The following PARD3B variants were observed in gnomAD, a reference collection of about 807,000 sequenced individuals.
PARD3B encodes the protein par-3 family cell polarity regulator beta.
In PARD3B, 103 loss-of-function variants were observed where a neutral mutation model predicts 130.2. The observed-to-expected ratio is 0.79, with a 90% CI of 0.67 to 0.93. The LOEUF is 0.93. Among genes scored for constraint, PARD3B ranks in the 40% least tolerant of loss-of-function variants. PARD3B has a pLI of 0.00. For missense variants in PARD3B, 1,609 were observed against 1,499.2 expected (o/e 1.07, Z -1.21); for synonymous variants, 583 against 553.2 (o/e 1.05, Z -0.76).
At chr2:205,408,247 C>G (rs762281087) in intron 19 of PARD3B, among the ~76,000 whole-genome samples, 35 of 152,090 alleles carry the variant, frequency 2.3e-4, no homozygotes, top group Non-Finnish European at 3.5e-4. Context: ...TGATATTTGG[C>G]AAACCAAGAT....
chr2:205,336,778 A>T (rs1252705669), intron 18 of PARD3B, among the ~76,000 whole-genome samples: 1 of 152,194 alleles, frequency 6.6e-6, no homozygotes, highest in Non-Finnish European at 1.5e-5. Context: ...CATGTGTGCA[A>T]GGACCCTAAA....
chr2:204,644,648 TAAAAG>T (rs955464840), intron 1 of PARD3B, among the ~76,000 whole-genome samples: 6 of 152,104 alleles, frequency 3.9e-5, no homozygotes, highest in African/African-American at 1.4e-4. Context: ...AATTTATTAA[TAAAAG>T]AAAATGTGTG....
chr2:204,803,540 A>G (rs2042651900), intron 2 of PARD3B, among the ~76,000 whole-genome samples: 1 of 152,180 alleles, frequency 6.6e-6, no homozygotes, highest in Non-Finnish European at 1.5e-5. Flanking sequence ...AGCAGGGGAC[A>G]TGGAGTTAAA....
At chr2:204,948,627 CTT>C (rs1689525468) in intron 2 of PARD3B, among the ~76,000 whole-genome samples, 1 of 152,208 alleles carries the variant, frequency 6.6e-6, no homozygotes, top group African/African-American at 2.4e-5. Context: ...CCAGCAGACT[CTT>C]CTCCAGTTCC....
chr2:204,846,357 A>T (rs1327656243), intron 2 of PARD3B, among the ~76,000 whole-genome samples: 1 of 152,040 alleles, frequency 6.6e-6, no homozygotes, highest in Non-Finnish European at 1.5e-5. Context: ...TTAGAACTAA[A>T]AACAATGTGT....
chr2:204,779,135 T>TC (rs1206350899), intron 2 of PARD3B, among the ~76,000 whole-genome samples: 1 of 152,124 alleles, frequency 6.6e-6, no homozygotes, highest in Non-Finnish European at 1.5e-5. Flanking sequence ...CAACTTCTCC[T>TC]CCCCCTCAGG....
At chr2:204,833,458 T>C (rs1282725629) in intron 2 of PARD3B, among the ~76,000 whole-genome samples, 2 of 152,114 alleles carry the variant, frequency 1.3e-5, no homozygotes, top group East Asian at 2.0e-4. Flanking sequence ...CCCCTTCTGA[T>C]TGAAACCCTT....
At chr2:204,630,081 A>C (rs1252487992) in intron 1 of PARD3B, among the ~76,000 whole-genome samples, 1 of 152,148 alleles carries the variant, frequency 6.6e-6, no homozygotes, top group Non-Finnish European at 1.5e-5. Context: ...ACAAGATCTT[A>C]AATTCTTGAG....
chr2:204,796,399 C>G (rs2042377445), intron 2 of PARD3B, among the ~76,000 whole-genome samples: 1 of 152,192 alleles, frequency 6.6e-6, no homozygotes. Flanking sequence ...ATGCCACAGT[C>G]AGAAAGCTCG....
intron 1 of PARD3B, among the ~76,000 whole-genome samples, chr2:204,655,759 A>G (rs28538804): frequency 0.024 from 3,579 of 152,128 alleles, 136 homozygotes; most frequent in African/African-American, 0.081. Context: ...TCTGAATAAC[A>G]ACCACAAACC....
chr2:205,464,226 G>T (rs1425942067), intron 20 of PARD3B, among the ~76,000 whole-genome samples: 1 of 152,072 alleles, frequency 6.6e-6, no homozygotes, highest in South Asian at 2.1e-4. Flanking sequence ...TGCATAGGAG[G>T]TACCATACTG....
chr2:205,030,700 C>T (rs1383209261), intron 3 of PARD3B, among the ~76,000 whole-genome samples: 1 of 152,064 alleles, frequency 6.6e-6, no homozygotes, highest in African/African-American at 2.4e-5. Context: ...CTATTCTAAA[C>T]ATAAGGGCTT....
chr2:204,806,716 G>T (rs1376997944), intron 2 of PARD3B, among the ~76,000 whole-genome samples: 2 of 152,062 alleles, frequency 1.3e-5, no homozygotes, highest in African/African-American at 2.4e-5. Flanking sequence ...CCCACAAAAT[G>T]GTAGAAAATA....
At chr2:205,223,724 A>G (rs969549312) in intron 15 of PARD3B, among the ~76,000 whole-genome samples, 1 of 152,166 alleles carries the variant, frequency 6.6e-6, no homozygotes, top group African/African-American at 2.4e-5. Context: ...GAGACCTCCA[A>G]AGGATATTGT....
At chr2:204,578,777 C>T (rs1411657782) in intron 1 of PARD3B, among the ~76,000 whole-genome samples, 3 of 152,018 alleles carry the variant, frequency 2.0e-5, no homozygotes, top group African/African-American at 2.4e-5. Flanking sequence ...TGGATGTTTC[C>T]GGAGATCACG....
chr2:204,692,898 A>G (rs2037422068), intron 2 of PARD3B, among the ~76,000 whole-genome samples: 1 of 152,052 alleles, frequency 6.6e-6, no homozygotes, highest in Non-Finnish European at 1.5e-5. Context: ...TCAAAAGAGG[A>G]AATATCCTAC....
At chr2:204,641,753 T>C (rs544370891) in intron 1 of PARD3B, among the ~76,000 whole-genome samples, 1 of 152,328 alleles carries the variant, frequency 6.6e-6, no homozygotes, top group South Asian at 2.1e-4. Flanking sequence ...TTCCAGTGTT[T>C]AGAATGCTGA....
intron 21 of PARD3B, among the ~76,000 whole-genome samples, chr2:205,504,833 G>T (rs951510342): frequency 6.6e-6 from 1 of 152,176 alleles, no homozygotes; most frequent in Admixed American, 6.5e-5. Flanking sequence ...TCAGTGTGGC[G>T]ATTCCTCAGG....
At chr2:204,988,929 C>T (rs750631991) in intron 3 of PARD3B, among the ~76,000 whole-genome samples, 10 of 152,154 alleles carry the variant, frequency 6.6e-5, no homozygotes, top group Non-Finnish European at 1.2e-4. Context: ...AAAAGAAATA[C>T]GTTCATCTCT....
Sources: gnomAD v4.1 joint callset for allele counts (sites outside exome capture counted in the v4.1 genomes callset) on GRCh38, gnomAD v4.1.1 for gene constraint, MANE v1.5 for transcripts, NCBI Gene and HGNC (gene_info 2026-07-23, HGNC 2026-07-21) for gene names.